The following USP18 variants were observed in gnomAD, a reference collection of about 807,000 sequenced individuals.
The protein encoded by USP18 is ubiquitin specific peptidase 18.
USP18 carries 11 observed loss-of-function variants against 48.7 expected under a neutral mutation model. The observed-to-expected ratio is 0.23, with a 90% CI of 0.14 to 0.37. USP18 has a LOEUF of 0.37. Among genes scored for constraint, USP18 ranks in the 10% least tolerant of loss-of-function variants. The pLI, the probability that USP18 is intolerant of heterozygous loss-of-function variation, is 1.00. For synonymous variants in USP18, 114 were observed against 163.2 expected (o/e 0.70, Z 2.30); for missense variants, 285 against 436.4 (o/e 0.65, Z 3.09).
intron 1 of USP18, among the ~76,000 whole-genome samples, chr22:18,155,714 C>T (rs1929113818): frequency 6.6e-6 from 1 of 152,366 alleles, no homozygotes; most frequent in East Asian, 1.9e-4. Context: ...CCTTAGCTGC[C>T]TCCTGGCAGG....
chr22:18,160,449 C>T (rs7511365), intron 3 of USP18, among the ~76,000 whole-genome samples, 181 bp downstream of exon 3: 11,582 of 151,734 alleles, frequency 0.076, 568 homozygotes, highest in South Asian at 0.11. Context: ...GGGACTAGCC[C>T]GCCACCATGC....
In USP18 at chr22:18,167,342, C is replaced by A. The variant is rs1389251267; in HGVS notation, c.480+8C>A. ...ATCACTGATGTGCACTTGGTAAGAA[C>A]CTAGAACCAGAGCACTCGGAAGCTT... On this transcript the variant is annotated splice_region_variant and intron_variant, in intron 5 of 10. Coordinates refer to ENST00000215794, the MANE Select transcript of USP18 (RefSeq NM_017414.4). 6.2e-7 allele frequency: 1 copy of A among 1,613,584 alleles called. No individual in the cohort carries two copies. The highest frequency in any genetic ancestry group is 8.5e-7 in the Non-Finnish European group (1 of 1,179,714).
intron 1 of USP18, among the ~76,000 whole-genome samples, chr22:18,155,871 G>A (rs935034520): frequency 3.3e-5 from 5 of 152,240 alleles, no homozygotes; most frequent in Admixed American, 6.5e-5. Context: ...TGAGGAGTGC[G>A]GGCGCACGGC....
At position 18,160,287 on chromosome 22, in the gene USP18, C is replaced by A; in HGVS notation, c.254+19C>A. The A allele has an allele frequency of 1.2e-6, 2 of 1,613,122 alleles. No individual in the cohort carries two copies. The highest frequency in any genetic ancestry group is 8.5e-7 in the Non-Finnish European group (1 of 1,179,168). On this transcript the variant is annotated intron_variant, in intron 3 of 10. Coordinates refer to ENST00000215794, the MANE Select transcript of USP18 (RefSeq NM_017414.4). ...TGAAGAGGTAAGACTGTTCTTCAGG[C>A]TGATGAGCATTTGTATTATTTCTTT...
At chr22:18,173,909 C>A in intron 10 of USP18, 67 bp downstream of exon 10, 4 of 1,496,668 alleles carry the variant, frequency 2.7e-6, no homozygotes, top group East Asian at 4.7e-5. Context: ...CTGCATGAAA[C>A]GCCCATGGAT....
At chr22:18,157,110 C>G (rs1045518966) in intron 1 of USP18, among the ~76,000 whole-genome samples, 1 of 152,274 alleles carries the variant, frequency 6.6e-6, no homozygotes, top group African/African-American at 2.4e-5. Context: ...TATCTGACTG[C>G]TGCAGCTGGC....
At chr22:18,154,459 T>C (rs1258035402) in intron 1 of USP18, among the ~76,000 whole-genome samples, 1 of 152,184 alleles carries the variant, frequency 6.6e-6, no homozygotes, top group Non-Finnish European at 1.5e-5. Flanking sequence ...TCTTATTTAT[T>C]TATTTAGATA....
chr22:18,166,416 C>T (rs1296666643), intron 4 of USP18, among the ~76,000 whole-genome samples: 32 of 152,246 alleles, frequency 2.1e-4, no homozygotes, highest in Non-Finnish European at 3.8e-4. Flanking sequence ...TGTTTAGTAA[C>T]GCCAACATCT....
Position 18,166,745 on chromosome 22 carries a change from A to G in USP18, c.401-510A>G, listed in dbSNP as rs534821302. Among the ~76,000 whole-genome samples, 858 of 151,106 alleles carry G rather than the reference A, an allele frequency of 5.7e-3. 8 individuals are homozygous for G. Among genetic ancestry groups the G allele is most frequent in the Non-Finnish European group, 9.9e-3 (674 of 67,840 alleles). On this transcript the variant is annotated intron_variant, in intron 4 of 10. Transcript: ENST00000215794. ...CCTTCTAGATCCTCAGGAATGTATCAGTGCTTTTCAAAGTCCCTGTGGACA... is the reference window on the plus strand; with the variant it reads ...CCTTCTAGATCCTCAGGAATGTATCGGTGCTTTTCAAAGTCCCTGTGGACA...
At chr22:18,169,348 G>A (rs1045712892) in intron 6 of USP18, among the ~76,000 whole-genome samples, 11 of 152,290 alleles carry the variant, frequency 7.2e-5, no homozygotes, top group Admixed American at 7.2e-4. Context: ...GCTGAGGTGG[G>A]TGGATCACCT....
At chr22:18,158,949 T>C (rs2123730215) in intron 2 of USP18, among the ~76,000 whole-genome samples, 1 of 152,280 alleles carries the variant, frequency 6.6e-6, no homozygotes, top group South Asian at 2.1e-4. Context: ...TTTTTTTCTC[T>C]CCCAACAATT....
intron 1 of USP18, among the ~76,000 whole-genome samples, chr22:18,152,059 T>TA (rs1321696439): frequency 2.0e-5 from 3 of 151,506 alleles, no homozygotes; most frequent in Non-Finnish European, 4.4e-5. Flanking sequence ...GTCTCAAAAA[T>TA]AAAAATAAAA....
chr22:18,168,184 C>G, intron 6 of USP18, 148 bp downstream of exon 6: 1 of 1,360,454 alleles, frequency 7.4e-7, no homozygotes, highest in Non-Finnish European at 9.9e-7. Flanking sequence ...TGGTGAGGGC[C>G]TGCTTGCTGG....
intron 1 of USP18, among the ~76,000 whole-genome samples, chr22:18,157,243 C>G (rs959395246): frequency 5.3e-5 from 8 of 152,236 alleles, no homozygotes; most frequent in Non-Finnish European, 1.2e-4. Context: ...AGAGTTCTTG[C>G]TTAGTGCTGG....
intron 4 of USP18, among the ~76,000 whole-genome samples, chr22:18,162,182 TCTC>T (rs1347826064): frequency 2.0e-5 from 3 of 151,974 alleles, no homozygotes; most frequent in Admixed American, 2.0e-4. Flanking sequence ...AGTGAAGGCA[TCTC>T]CTCCAAGCTT....
chr22:18,164,019 A>G (rs990033748), intron 4 of USP18, among the ~76,000 whole-genome samples: 5 of 152,250 alleles, frequency 3.3e-5, no homozygotes, highest in African/African-American at 9.6e-5. Context: ...GCCTGCACTC[A>G]TATTGAAACT....
At chr22:18,168,090 G>T in intron 6 of USP18, 54 bp downstream of exon 6, 3 of 1,602,496 alleles carry the variant, frequency 1.9e-6, no homozygotes, top group Non-Finnish European at 2.6e-6. Flanking sequence ...TCCATTTTCT[G>T]TTGTTATAAC....
intron 4 of USP18, among the ~76,000 whole-genome samples, chr22:18,162,304 TA>T (rs1296161469): frequency 3.3e-5 from 5 of 150,978 alleles, no homozygotes; most frequent in Non-Finnish European, 7.4e-5. Context: ...TTTTTTTTTT[TA>T]GATAGCTATA....
intron 4 of USP18, among the ~76,000 whole-genome samples, 180 bp downstream of exon 4, chr22:18,162,115 AT>A (rs1321395680): frequency 1.3e-5 from 2 of 152,146 alleles, no homozygotes; most frequent in African/African-American, 2.4e-5. Context: ...CAGAATTGAT[AT>A]TATTTATGGA....
Sources: allele counts gnomAD v4.1 joint callset (sites outside exome capture counted in the v4.1 genomes callset), GRCh38; gene constraint gnomAD v4.1.1; transcripts MANE v1.5; gene names NCBI Gene and HGNC (gene_info 2026-07-23, HGNC 2026-07-21).